The following RNF150 variants were observed in gnomAD, a reference collection of about 807,000 sequenced individuals.
RNF150 encodes ring finger protein 150.
A neutral mutation model predicts 39.3 loss-of-function variants in RNF150; 24 were observed. That is an observed-to-expected ratio of 0.61 (90% CI 0.44 to 0.86). RNF150 has a LOEUF of 0.86. Ranked by LOEUF, RNF150 falls within the 40% of genes least tolerant of loss-of-function variation. RNF150 has a pLI of 0.00. For synonymous variants in RNF150, 255 were observed against 227.3 expected, an observed-to-expected ratio of 1.12 and a Z score of -1.10; for missense variants, 502 against 587.8, an observed-to-expected ratio of 0.85 and a Z score of 1.51.
chr4:140,959,680 C>T (rs1017307354), intron 2 of RNF150, among the ~76,000 whole-genome samples: 26 of 152,218 alleles, frequency 1.7e-4, no homozygotes, highest in South Asian at 4.2e-4. Context: ...CTCCACATGG[C>T]GTGTGAGGCT....
chr4:141,193,027 T>G (rs555317041), intron 1 of RNF150, among the ~76,000 whole-genome samples: 1 of 152,344 alleles, frequency 6.6e-6, no homozygotes, highest in Admixed American at 6.5e-5. Flanking sequence ...AAACTCCATT[T>G]CCTTCTGGTC....
chr4:141,118,715 G>T (rs1375719745), intron 1 of RNF150, among the ~76,000 whole-genome samples: 2 of 152,124 alleles, frequency 1.3e-5, no homozygotes, highest in Non-Finnish European at 2.9e-5. Context: ...CACCAATCAT[G>T]GGCTAAAGTT....
intron 2 of RNF150, among the ~76,000 whole-genome samples, chr4:140,965,971 A>C (rs1173019472): frequency 1.3e-5 from 2 of 152,142 alleles, no homozygotes; most frequent in Non-Finnish European, 2.9e-5. Flanking sequence ...TAACCATTTT[A>C]CTGTCTGTAT....
chr4:141,195,233 C>G (rs908140350), intron 1 of RNF150, among the ~76,000 whole-genome samples: 1 of 152,196 alleles, frequency 6.6e-6, no homozygotes, highest in Non-Finnish European at 1.5e-5. Context: ...TAGTGTCTGC[C>G]CCTTTAAATG....
At chr4:140,891,148 A>G (rs1246125517) in intron 6 of RNF150, among the ~76,000 whole-genome samples, 3 of 152,216 alleles carry the variant, frequency 2.0e-5, no homozygotes, top group Non-Finnish European at 4.4e-5. Context: ...TTGGCCAAGA[A>G]TTGTTCTAAC....
Position 141,132,309 on chromosome 4 carries a change from C to T in RNF150, c.484+16G>A. On this transcript the variant is annotated intron_variant, in intron 1 of 6. Transcript: ENST00000515673. This position sits in a 1 kb window ranked among gnomAD's most constrained non-coding sequence, Gnocchi z 4.9. ...CCCCGCCGGCTCCCCTCCCCCGCGC[C>T]CGCTGGGCCACTCACCCGCGTGGGG... is the stretch of plus-strand genomic sequence containing the variant. The T allele has an allele frequency of 1.3e-6, 2 of 1,562,810 alleles. No individual in the cohort carries two copies. The highest frequency in any genetic ancestry group is 1.7e-6 in the Non-Finnish European group (2 of 1,153,232).
rs143786795 is a variant in RNF150 at position 140,966,311 on chromosome 4, C to T, written c.735+1312G>A. ...GCCAAGATTTTGCCACTGGACTCCA[C>T]CCTGGGTGACACAGTGAGCGAGACT... On this transcript the variant is annotated intron_variant, in intron 2 of 6. Transcript: ENST00000515673. 3.9e-5 allele frequency among the ~76,000 whole-genome samples: 6 copies of T among 152,058 alleles called. No individual in the cohort carries two copies. The South Asian group carries it at 6.2e-4, about 16-fold the overall frequency.
At chr4:141,082,032 G>A (rs1738168641) in intron 1 of RNF150, among the ~76,000 whole-genome samples, 1 of 152,152 alleles carries the variant, frequency 6.6e-6, no homozygotes, top group Non-Finnish European at 1.5e-5. Context: ...AAACGCAGTC[G>A]GCTTCCCAAA....
chr4:140,869,595 C>A (rs1304711291), intron 6 of RNF150, among the ~76,000 whole-genome samples: 2 of 152,102 alleles, frequency 1.3e-5, no homozygotes, highest in East Asian at 3.9e-4. Context: ...TAGGCAATTA[C>A]AACACAGTGA....
At chr4:141,169,855 AT>A (rs1364163758) in intron 1 of RNF150, among the ~76,000 whole-genome samples, 3 of 151,702 alleles carry the variant, frequency 2.0e-5, no homozygotes, top group East Asian at 3.9e-4. Context: ...CATTTAACAC[AT>A]TTTTTTCTAA....
At chr4:141,186,733 G>C (rs1343057871) in intron 1 of RNF150, among the ~76,000 whole-genome samples, 1 of 151,950 alleles carries the variant, frequency 6.6e-6, no homozygotes, top group African/African-American at 2.4e-5. Context: ...GTGTCTATTT[G>C]ATTCTTCTCT....
chr4:140,905,159 G>A (rs1263647720), intron 6 of RNF150, among the ~76,000 whole-genome samples: 1 of 152,118 alleles, frequency 6.6e-6, no homozygotes, highest in African/African-American at 2.4e-5. Context: ...CTTCAGCTGT[G>A]CTTTAACAAT....
intron 1 of RNF150, among the ~76,000 whole-genome samples, chr4:141,088,394 G>C (rs564219939): frequency 6.6e-6 from 1 of 152,294 alleles, no homozygotes; most frequent in Non-Finnish European, 1.5e-5. Flanking sequence ...ACTTGAAGGA[G>C]AAACTGGGCT....
intron 1 of RNF150, among the ~76,000 whole-genome samples, chr4:141,122,078 T>C (rs1189302293): frequency 6.6e-6 from 1 of 152,076 alleles, no homozygotes; most frequent in African/African-American, 2.4e-5. Context: ...TCCAGGCGCC[T>C]CCTGCTCACC....
chr4:141,085,060 C>A (rs545439657), intron 1 of RNF150, among the ~76,000 whole-genome samples: 1 of 152,208 alleles, frequency 6.6e-6, no homozygotes, highest in South Asian at 2.1e-4. Flanking sequence ...AAGAAATACC[C>A]GAGACTGGGT....
chr4:141,040,011 C>A (rs1578659587), intron 1 of RNF150, among the ~76,000 whole-genome samples: 1 of 152,122 alleles, frequency 6.6e-6, no homozygotes, highest in South Asian at 2.1e-4. Context: ...CCACAAACTG[C>A]CCTCAGAGAG....
At chr4:141,160,241 A>G (rs1399668085) in intron 1 of RNF150, among the ~76,000 whole-genome samples, 1 of 152,248 alleles carries the variant, frequency 6.6e-6, no homozygotes, top group African/African-American at 2.4e-5. Flanking sequence ...AATGGAAGTT[A>G]TCACAGATTA....
In RNF150 at chr4:140,862,440, T is replaced by C. The variant is rs1728527839; in HGVS notation, c.*5821A>G. Reference sequence around the variant, plus strand: ...GATGTGACTGACCTTAGCAGGTTCTTGTAGAACAAGCAGGATTGCAATCAA... The same window carrying C: ...GATGTGACTGACCTTAGCAGGTTCTCGTAGAACAAGCAGGATTGCAATCAA... On this transcript the variant is annotated 3_prime_UTR_variant, in exon 7 of 7. Coordinates refer to ENST00000515673, the MANE Select transcript of RNF150 (RefSeq NM_020724.2). The C allele has an allele frequency of 6.6e-6, 1 of 151,984 alleles. No individual in the cohort carries two copies. The allele number at this position is 151,984 out of a possible 1,614,324, so 9.4% of individuals were successfully genotyped here.
At chr4:141,152,548 T>G (rs1050048728) in intron 1 of RNF150, among the ~76,000 whole-genome samples, 1 of 152,182 alleles carries the variant, frequency 6.6e-6, no homozygotes, top group African/African-American at 2.4e-5. Context: ...AAGGTAAAAT[T>G]TATTCACAGA....
Sources: allele counts gnomAD v4.1 joint callset (sites outside exome capture counted in the v4.1 genomes callset), GRCh38; gene constraint gnomAD v4.1.1; non-coding constraint Gnocchi (gnomAD v3.1); transcripts MANE v1.5; gene names NCBI Gene and HGNC (gene_info 2026-07-23, HGNC 2026-07-21).